The following SLC60A1 variants were observed in gnomAD, a reference collection of about 807,000 sequenced individuals.
SLC60A1 encodes the protein solute carrier family 60 member 1.
the SLC60A1 span, among the ~76,000 whole-genome samples, chr1:205,581,450 G>A: frequency 2.0e-5 from 3 of 152,238 alleles, no homozygotes; most frequent in East Asian, 1.9e-4. This position sits in a 1 kb window ranked among gnomAD's most constrained non-coding sequence, Gnocchi z 4.2. Context: ...ACCGAGGCCC[G>A]CTTTGTACAC....
chr1:205,569,252 G>A, the SLC60A1 span: 1 of 1,569,266 alleles, frequency 6.4e-7, no homozygotes, highest in South Asian at 1.2e-5. Context: ...TCTCGCAGCA[G>A]CTCTGCCTCC....
chr1:205,579,938 G>A, the SLC60A1 span: 69 of 1,613,048 alleles, frequency 4.3e-5, no homozygotes, highest in Admixed American at 3.8e-4. Flanking sequence ...GGACTCGGCC[G>A]TCTTCCTCCA....
At chr1:205,599,472 G>A in the SLC60A1 span, among the ~76,000 whole-genome samples, 139 of 152,252 alleles carry the variant, frequency 9.1e-4, no homozygotes, top group Admixed American at 1.4e-3. Context: ...GAGCTGGGTC[G>A]GCTGACTCAT....
the SLC60A1 span, chr1:205,602,475 T>TAA: frequency 1.4e-4 from 22 of 152,646 alleles, no homozygotes; most frequent in African/African-American, 5.1e-4. Flanking sequence ...CTGAAAAAAG[T>TAA]AAGTGAATTT....
chr1:205,597,492 G>C, the SLC60A1 span: 1 of 242,962 alleles, frequency 4.1e-6, no homozygotes, highest in East Asian at 1.0e-4. Flanking sequence ...GGGCTCGAGG[G>C]ACCCTCCTAC....
At chr1:205,594,778 A>C in the SLC60A1 span, among the ~76,000 whole-genome samples, 4 of 152,296 alleles carry the variant, frequency 2.6e-5, no homozygotes, top group East Asian at 7.7e-4. Context: ...GGACTAGTTA[A>C]TGGTACCCAG....
At chr1:205,579,503 G>T in the SLC60A1 span, 1 of 583,084 alleles carries the variant, frequency 1.7e-6, no homozygotes, top group East Asian at 2.8e-5. Context: ...GCAATTGTTT[G>T]TAAGTAGAAT....
chr1:205,589,886 C>T, the SLC60A1 span, among the ~76,000 whole-genome samples: 1 of 152,148 alleles, frequency 6.6e-6, no homozygotes, highest in Non-Finnish European at 1.5e-5. Flanking sequence ...CTGGATGGAT[C>T]TGGAGCAGTA....
the SLC60A1 span, among the ~76,000 whole-genome samples, chr1:205,577,238 C>A: frequency 6.6e-6 from 1 of 152,130 alleles, no homozygotes; most frequent in Non-Finnish European, 1.5e-5. The surrounding 1 kb of genome is among the most constrained non-coding windows in gnomAD (Gnocchi z 5.2). Context: ...TCTCTGTCTC[C>A]CCTATCAGAT....
chr1:205,590,029 C>T, the SLC60A1 span, among the ~76,000 whole-genome samples: 2 of 152,202 alleles, frequency 1.3e-5, no homozygotes, highest in Non-Finnish European at 2.9e-5. Flanking sequence ...GATGCCCTCA[C>T]TTGATGTGTG....
chr1:205,593,944 G>C, the SLC60A1 span, among the ~76,000 whole-genome samples: 3 of 152,142 alleles, frequency 2.0e-5, no homozygotes, highest in South Asian at 6.2e-4. Flanking sequence ...TCTGAGTGGG[G>C]GCACTACACA....
At chr1:205,600,419 C>G in the SLC60A1 span, 1 of 1,614,150 alleles carries the variant, frequency 6.2e-7, no homozygotes, top group Non-Finnish European at 8.5e-7. Flanking sequence ...CTACCCAAGA[C>G]AGATCAATTG....
the SLC60A1 span, among the ~76,000 whole-genome samples, chr1:205,594,338 G>C: frequency 6.6e-6 from 1 of 152,124 alleles, no homozygotes; most frequent in African/African-American, 2.4e-5. Context: ...AGTTTTAAGT[G>C]ATCAACACAT....
At chr1:205,599,290 CAG>C in the SLC60A1 span, 1 of 1,610,904 alleles carries the variant, frequency 6.2e-7, no homozygotes, top group Admixed American at 1.7e-5. Flanking sequence ...AGGAGGAAAA[CAG>C]AGCCGGGGTC....
the SLC60A1 span, among the ~76,000 whole-genome samples, chr1:205,589,511 C>T: frequency 6.6e-6 from 1 of 152,148 alleles, no homozygotes. Flanking sequence ...TTTTTTGCAT[C>T]TCACAGATAC....
At chr1:205,587,992 G>C in the SLC60A1 span, among the ~76,000 whole-genome samples, 1 of 152,164 alleles carries the variant, frequency 6.6e-6, no homozygotes, top group Non-Finnish European at 1.5e-5. Context: ...TTTTAAAAAG[G>C]AAAATCAGGT....
At chr1:205,584,218 A>ATTTTTTTTTTTTTTTTTTTTT in the SLC60A1 span, 3 of 718,312 alleles carry the variant, frequency 4.2e-6, 1 homozygote, top group African/African-American at 4.4e-5. Context: ...ATCACAGGTG[A>ATTTTTTTTTTTTTTTTTTTTT]TTTTTTTTTT....
chr1:205,593,576 A>G, the SLC60A1 span, among the ~76,000 whole-genome samples: 2 of 152,064 alleles, frequency 1.3e-5, no homozygotes, highest in Admixed American at 1.3e-4. Context: ...GGATCCTTGA[A>G]ATTGAAGGAT....
At chr1:205,581,832 A>C in the SLC60A1 span, among the ~76,000 whole-genome samples, 1 of 152,180 alleles carries the variant, frequency 6.6e-6, no homozygotes, top group Non-Finnish European at 1.5e-5. This position sits in a 1 kb window ranked among gnomAD's most constrained non-coding sequence, Gnocchi z 4.2. Flanking sequence ...AGAATATGCC[A>C]CACACATAGC....
Sources: gnomAD v4.1 joint callset for allele counts (sites outside exome capture counted in the v4.1 genomes callset) on GRCh38, gnomAD v4.1.1 for gene constraint, Gnocchi (gnomAD v3.1) non-coding constraint, MANE v1.5 for transcripts, NCBI Gene and HGNC (gene_info 2026-07-23, HGNC 2026-07-21) for gene names.